GBP7: variants seen among roughly 807,000 people sequenced by gnomAD.
GBP7 encodes the protein guanylate-binding protein 7.
Under a neutral mutation model 61.3 loss-of-function variants are expected in GBP7, and 43 were observed. That is an observed-to-expected ratio of 0.70 (90% confidence interval 0.55 to 0.91). The LOEUF is 0.91. Among genes scored for constraint, GBP7 ranks in the 40% least tolerant of loss-of-function variants. GBP7 has a pLI of 0.00. For missense variants in GBP7, 717 were observed against 740.5 expected, an observed-to-expected ratio of 0.97 and a Z score of 0.37; for synonymous variants, 267 against 271.0, an observed-to-expected ratio of 0.99 and a Z score of 0.14.
At chr1:89,167,002 A>C (rs759548792) in intron 2 of GBP7, among the ~76,000 whole-genome samples, 3 of 152,158 alleles carry the variant, frequency 2.0e-5, no homozygotes, top group African/African-American at 7.2e-5. Flanking sequence ...CCCTGGATGC[A>C]CCTATGATTT....
intron 1 of GBP7, among the ~76,000 whole-genome samples, chr1:89,174,590 C>T (rs998394238): frequency 2.6e-5 from 4 of 152,070 alleles, no homozygotes; most frequent in Admixed American, 2.0e-4. Context: ...ACATAGATAC[C>T]ATTCTAACCC....
chr1:89,172,939 T>C (rs1430706125), intron 1 of GBP7, among the ~76,000 whole-genome samples: 1 of 152,152 alleles, frequency 6.6e-6, no homozygotes, highest in Admixed American at 6.5e-5. Context: ...CTTGTATCAA[T>C]GCAGACTCAG....
intron 2 of GBP7, among the ~76,000 whole-genome samples, chr1:89,168,530 G>A (rs538527831): frequency 1.3e-5 from 2 of 152,132 alleles, no homozygotes; most frequent in South Asian, 4.1e-4. Context: ...AGACTGCTTG[G>A]AGCATGTATT....
intron 3 of GBP7, among the ~76,000 whole-genome samples, chr1:89,155,676 G>A (rs1160399123): frequency 6.6e-6 from 1 of 152,116 alleles, no homozygotes; most frequent in African/African-American, 2.4e-5. Context: ...AAAAAGAAAT[G>A]AACAAAGCCT....
At chr1:89,146,369 AATG>A (rs1465498667) in intron 8 of GBP7, among the ~76,000 whole-genome samples, 1 of 152,206 alleles carries the variant, frequency 6.6e-6, no homozygotes, top group African/African-American at 2.4e-5. Flanking sequence ...TGGTCTTGGC[AATG>A]ATATTTTTGA....
At chr1:89,135,411 G>A (rs1183031614) in intron 9 of GBP7, among the ~76,000 whole-genome samples, 1 of 152,084 alleles carries the variant, frequency 6.6e-6, no homozygotes, top group African/African-American at 2.4e-5. Flanking sequence ...ATTTTCCAAG[G>A]TCAGTGCAAA....
intron 3 of GBP7, among the ~76,000 whole-genome samples, chr1:89,160,170 T>G (rs1019773349): frequency 6.6e-6 from 1 of 152,112 alleles, no homozygotes; most frequent in Non-Finnish European, 1.5e-5. Context: ...ATGAGATCAC[T>G]TGGACACAGG....
At chr1:89,163,922 T>C (rs1008018639) in intron 3 of GBP7, among the ~76,000 whole-genome samples, 16 of 152,060 alleles carry the variant, frequency 1.1e-4, no homozygotes, top group African/African-American at 3.4e-4. Context: ...CAGGCTGGAG[T>C]GCAGTGGCAT....
intron 8 of GBP7, among the ~76,000 whole-genome samples, chr1:89,143,710 G>C (rs1195997469): frequency 6.6e-6 from 1 of 152,152 alleles, no homozygotes; most frequent in African/African-American, 2.4e-5. Flanking sequence ...GAGAGAGTGA[G>C]AGAGAGTGGA....
intron 2 of GBP7, among the ~76,000 whole-genome samples, chr1:89,171,220 A>G (rs1647588008): frequency 5.3e-5 from 8 of 152,356 alleles, no homozygotes; most frequent in Middle Eastern, 3.4e-3. Flanking sequence ...ACTGAAGAGT[A>G]GAAATAGTAA....
rs371709201 is a variant in GBP7, at chr1:89,164,886, T to G, written c.191-28A>C. ...TCAAGGGAAGAGGAGAAACAACATA[T>G]AGTGACAGCAGAATCCAGGCAGACA... On this transcript the variant is annotated intron_variant, in intron 2 of 10. Transcript: ENST00000294671. 5 of 1,610,986 alleles carry G rather than the reference T, an allele frequency of 3.1e-6. No homozygotes were observed. The African/African-American group carries it at 5.3e-5, about 17-fold the overall frequency.
At chr1:89,153,313 T>C (rs893750681) in intron 3 of GBP7, among the ~76,000 whole-genome samples, 1 of 152,230 alleles carries the variant, frequency 6.6e-6, no homozygotes, top group African/African-American at 2.4e-5. Context: ...TAGTAGGGCA[T>C]GTAATATGAA....
At chr1:89,137,150 G>A (rs1163842884) in intron 9 of GBP7, among the ~76,000 whole-genome samples, 1 of 151,894 alleles carries the variant, frequency 6.6e-6, no homozygotes, top group Non-Finnish European at 1.5e-5. Context: ...TTCCAAAATT[G>A]GGTCAGCATT....
intron 1 of GBP7, among the ~76,000 whole-genome samples, chr1:89,174,981 G>A (rs774420831): frequency 6.6e-6 from 1 of 152,118 alleles, no homozygotes; most frequent in African/African-American, 2.4e-5. Flanking sequence ...TTTATCCAGG[G>A]CTTGATAAAT....
intron 5 of GBP7, 140 bp from the exon 6 acceptor site, chr1:89,150,715 C>A: frequency 1.2e-6 from 1 of 839,092 alleles, no homozygotes. Context: ...ACCTCTCATG[C>A]AACCAAACTT....
chr1:89,163,953 T>A (rs1647346670), intron 3 of GBP7, among the ~76,000 whole-genome samples: 1 of 152,070 alleles, frequency 6.6e-6, no homozygotes, highest in Non-Finnish European at 1.5e-5. Context: ...CAGTGCAACC[T>A]CCACTTCCCG....
chr1:89,170,961 A>G (rs1190530774), intron 2 of GBP7, among the ~76,000 whole-genome samples: 2 of 152,258 alleles, frequency 1.3e-5, no homozygotes, highest in East Asian at 3.8e-4. Context: ...ATGATCCTGT[A>G]AACCAATGAA....
intron 6 of GBP7, 129 bp downstream of exon 6, chr1:89,150,201 T>C: frequency 1.2e-6 from 1 of 842,562 alleles, no homozygotes; most frequent in East Asian, 2.5e-5. Flanking sequence ...GAAAAAATCC[T>C]TCACTTATCC....
intron 9 of GBP7, among the ~76,000 whole-genome samples, chr1:89,137,301 C>T (rs1681828630): frequency 6.6e-6 from 1 of 152,022 alleles, no homozygotes; most frequent in African/African-American, 2.4e-5. Context: ...CTAATACATT[C>T]TATGAGGCCA....
Sources: allele counts gnomAD v4.1 joint callset (sites outside exome capture counted in the v4.1 genomes callset), GRCh38; gene constraint gnomAD v4.1.1; transcripts MANE v1.5; gene names NCBI Gene and HGNC (gene_info 2026-07-23, HGNC 2026-07-21).